Variants in MIDEAS observed in about 807,000 individuals in gnomAD.
MIDEAS encodes the protein mitotic deacetylase associated SANT domain protein.
A neutral mutation model predicts 102.7 loss-of-function variants in MIDEAS; 26 were observed. That is an observed-to-expected ratio of 0.25 (90% CI 0.19 to 0.35). The LOEUF (loss-of-function observed/expected upper bound fraction) is 0.35, where lower values mean the gene tolerates loss of function less well. MIDEAS is among the 10% of genes least tolerant of loss of function. MIDEAS has a pLI of 1.00. For synonymous variants in MIDEAS, 585 were observed against 591.0 expected (o/e 0.99, Z 0.15); for missense variants, 1,231 against 1,435.6 (o/e 0.86, Z 2.30).
At position 73,718,435 on chromosome 14, in the gene MIDEAS, G is replaced by GTGGGTGA. The variant is rs1389866929; in HGVS notation, c.*401_*407dup. 2 of 159,362 alleles carry GTGGGTGA rather than the reference G, an allele frequency of 1.3e-5. No individual in the cohort carries two copies. Among genetic ancestry groups the GTGGGTGA allele is most frequent in the African/African-American group, 4.8e-5 (2 of 41,754 alleles). The allele number at this position is 159,362 out of a possible 1,614,324, so 9.9% of individuals were successfully genotyped here. A position where few individuals can be genotyped will look rare whatever the true frequency, so the allele number is the denominator to read the frequency against. Reference sequence around the variant, plus strand: ...TGGGGAGGAGAAATGCTGCTCCAAAGTGGGTGAGCTTGTGCTTGGCCGGCC... The same window carrying GTGGGTGA: ...TGGGGAGGAGAAATGCTGCTCCAAAGTGGGTGATGGGTGAGCTTGTGCTTGGCCGGCC... On this transcript the variant is annotated 3_prime_UTR_variant, in exon 13 of 13. Coordinates refer to ENST00000423556, the MANE Select transcript of MIDEAS (RefSeq NM_001367710.1).
chr14:73,786,262 A>T (rs1402523597), intron 1 of MIDEAS, among the ~76,000 whole-genome samples: 1 of 151,976 alleles, frequency 6.6e-6, no homozygotes, highest in Non-Finnish European at 1.5e-5. Context: ...TCTTTAAAAA[A>T]CCCTGCGCCA....
Position 73,722,897 on chromosome 14 carries a change from G to A in MIDEAS, c.2575-50C>T, listed in dbSNP as rs372483215. ...CAGAACCCTCTGGTTTGGCTCATCT[G>A]CCTGTGGAGAATCCAGCCTTTCTCG... On this transcript the variant is annotated intron_variant, in intron 9 of 12. Coordinates refer to ENST00000423556, the MANE Select transcript of MIDEAS (RefSeq NM_001367710.1). The A allele has an allele frequency of 1.9e-6, 3 of 1,593,248 alleles. No homozygotes were observed. In the African/African-American group the frequency reaches 4.0e-5, roughly 21 times the overall value.
At chr14:73,730,437 C>T (rs2053123666) in intron 3 of MIDEAS, among the ~76,000 whole-genome samples, 2 of 152,170 alleles carry the variant, frequency 1.3e-5, no homozygotes, top group South Asian at 4.1e-4. Flanking sequence ...CCTTTATTGC[C>T]ACTGAAAATT....
chr14:73,779,570 A>ATATTT (rs1161075287), intron 1 of MIDEAS, among the ~76,000 whole-genome samples: 9 of 60,160 alleles, frequency 1.5e-4, no homozygotes, highest in East Asian at 2.0e-3. Flanking sequence ...TATTATTATT[A>ATATTT]TTATTTTTTT....
chr14:73,763,572 C>T (rs909561845), upstream of MIDEAS, among the ~76,000 whole-genome samples: 3 of 152,176 alleles, frequency 2.0e-5, no homozygotes. Flanking sequence ...ATGAGGCCAG[C>T]ACACGTGGTG....
chr14:73,763,184 A>C (rs2053567393), upstream of MIDEAS, among the ~76,000 whole-genome samples: 1 of 152,150 alleles, frequency 6.6e-6, no homozygotes, highest in Admixed American at 6.5e-5. Flanking sequence ...AAAAAAATAC[A>C]AAAATTAGCC....
chr14:73,722,643 C>T, intron 10 of MIDEAS, 55 bp downstream of exon 10: 1 of 1,595,176 alleles, frequency 6.3e-7, no homozygotes, highest in Non-Finnish European at 8.6e-7. Flanking sequence ...CCAGCTCAGG[C>T]CTGGTCCCAG....
rs146014844 is a variant in MIDEAS, at chr14:73,721,343, C to T, written c.2891G>A (p.Arg964Gln). Reference protein sequence around the residue: ...EQEEGRERSRRAAAVKATQTL... With the variant: ...EQEEGRERSRQAAAVKATQTL... ...CTGCGTGGCTTTGACTGCCGCTGCC[C>T]GCCTGCTGCGCTCTCGCCCCTCTTC... Residue 964 changes from arginine to glutamine, a missense_variant, in exon 11 of 13, where the codon CGG (arginine) becomes CAG (glutamine). Arg to Gln is a conservative substitution (Grantham distance 43). This residue lies in a region of MIDEAS where 391 missense variants were observed against 483.0 expected (regional missense o/e 0.81). Coordinates refer to ENST00000423556, the MANE Select transcript of MIDEAS (RefSeq NM_001367710.1). 300 of 1,613,904 alleles carry T rather than the reference C, an allele frequency of 1.9e-4. No homozygotes were observed. Among genetic ancestry groups the T allele is most frequent in the Non-Finnish European group, 2.3e-4 (275 of 1,180,034 alleles).
Position 73,716,376 on chromosome 14 carries a change from A to AT in MIDEAS, c.*2466dup, listed in dbSNP as rs2052889256. On this transcript the variant is annotated 3_prime_UTR_variant, in exon 13 of 13. Coordinates refer to ENST00000423556, the MANE Select transcript of MIDEAS (RefSeq NM_001367710.1). ...AAGCTTAGAAGAGTAGAATCACTTTATTTTTTAAAGACTTCCGGCCAGGCA... is the reference window on the plus strand; with the variant it reads ...AAGCTTAGAAGAGTAGAATCACTTTATTTTTTTAAAGACTTCCGGCCAGGCA... 6.6e-6 allele frequency: 1 copy of AT among 152,076 alleles called. No homozygotes were observed. The highest frequency in any genetic ancestry group is 1.5e-5 in the Non-Finnish European group (1 of 68,002). 9.4% of individuals were successfully genotyped at this position (152,076 alleles called of 1,614,324 possible).
intron 7 of MIDEAS, 72 bp from the exon 8 acceptor site, chr14:73,726,180 T>C: frequency 2.4e-6 from 3 of 1,254,820 alleles, no homozygotes; most frequent in South Asian, 2.6e-5. Context: ...TTCTAGGCCC[T>C]GATAAAATCC....
Position 73,739,909 on chromosome 14 carries a change from G to T in MIDEAS, c.100C>A (p.Pro34Thr). The T allele has an allele frequency of 6.5e-7, 1 of 1,548,010 alleles. No individual in the cohort carries two copies. The highest frequency in any genetic ancestry group is 8.7e-7 in the Non-Finnish European group (1 of 1,146,354). ...APKEQPPPLQ[P>T]PQQSIRVKEE... Reference sequence around the variant, plus strand: ...TTCACTCTGATGGACTGCTGGGGGGGCTGCAGGGGAGGGGGCTGCTCCTTG... The same window carrying T: ...TTCACTCTGATGGACTGCTGGGGGGTCTGCAGGGGAGGGGGCTGCTCCTTG... The change falls in exon 2 of 13, where the codon CCC becomes ACC. Residue 34 changes from proline to threonine, a missense_variant. Physicochemically the swap from Pro to Thr is conservative, Grantham distance 38. This residue lies in a region of MIDEAS where 758 missense variants were observed against 856.0 expected (regional missense o/e 0.89). Coordinates refer to ENST00000423556, the MANE Select transcript of MIDEAS (RefSeq NM_001367710.1).
chr14:73,773,027 G>A (rs1716169718), intron 1 of MIDEAS, among the ~76,000 whole-genome samples: 3 of 151,890 alleles, frequency 2.0e-5, no homozygotes, highest in South Asian at 4.2e-4. Context: ...TAGTAGAGAT[G>A]GGGTTTCTCC....
chr14:73,741,211 T>A (rs1389559376), intron 1 of MIDEAS, among the ~76,000 whole-genome samples: 5 of 152,226 alleles, frequency 3.3e-5, no homozygotes, highest in Non-Finnish European at 5.9e-5. Context: ...GATAATGTCA[T>A]GACTTAAGTA....
intron 3 of MIDEAS, among the ~76,000 whole-genome samples, chr14:73,732,175 G>C (rs765468358): frequency 2.0e-5 from 3 of 151,558 alleles, no homozygotes; most frequent in Non-Finnish European, 4.4e-5. Context: ...TCCTCAACCA[G>C]AGAACAAGAA....
chr14:73,738,724 C>G lies in MIDEAS; in HGVS notation c.1285G>C (p.Gly429Arg). 6.2e-7 allele frequency: 1 copy of G among 1,613,112 alleles called. No homozygotes were observed. The highest frequency in any genetic ancestry group is 8.5e-7 in the Non-Finnish European group (1 of 1,179,568). Reference sequence around the variant, plus strand: ...ACTGCCCTCATGCCCTCCTCGCTGCCCATGGCAGGAGCCTCTCGCTCCCGG... The same window carrying G: ...ACTGCCCTCATGCCCTCCTCGCTGCGCATGGCAGGAGCCTCTCGCTCCCGG... ...NGREREAPAM[G>R]SEEGMRAVST... The change falls in exon 2 of 13, where the codon GGC (glycine) becomes CGC (arginine). Residue 429 changes from glycine (G) to arginine (R), a missense_variant. By Grantham distance (125) the Gly-to-Arg change is moderately radical (BLOSUM62 -2). Transcript: ENST00000423556.
chr14:73,764,369 C>CA (rs2053577663), upstream of MIDEAS, among the ~76,000 whole-genome samples: 1 of 137,708 alleles, frequency 7.3e-6, no homozygotes, highest in East Asian at 2.1e-4. Context: ...AAAAACAAAA[C>CA]AAAACAAAAA....
At position 73,756,295 on chromosome 14, in the gene MIDEAS, T is replaced by TGCGCGCGC. The variant is rs1555344807; in HGVS notation, c.-248+3460_-248+3467dup. 4.0e-3 allele frequency among the ~76,000 whole-genome samples: 508 copies of TGCGCGCGC among 127,704 alleles called. 1 individual carries two copies. The highest frequency in any genetic ancestry group is 5.4e-3 in the Admixed American group (71 of 13,178). 83.8% of individuals were successfully genotyped at this position (127,704 alleles called of 152,430 possible). On this transcript the variant is annotated intron_variant, in intron 1 of 12. Transcript: ENST00000423556. Reference sequence around the variant, plus strand: ...GTGTGTGTGTGTGTGTGTGTGTGTGTGCGCGCGCGCGTGCGCGCTGAGGTG... The same window carrying TGCGCGCGC: ...GTGTGTGTGTGTGTGTGTGTGTGTGTGCGCGCGCGCGCGCGCGCGTGCGCGCTGAGGTG...
chr14:73,727,136 G>A, intron 5 of MIDEAS, 164 bp from the exon 6 acceptor site: 1 of 874,072 alleles, frequency 1.1e-6, no homozygotes, highest in Non-Finnish European at 1.7e-6. Context: ...GCCTGACCTG[G>A]CACCACCAGA....
intron 1 of MIDEAS, among the ~76,000 whole-genome samples, chr14:73,751,022 T>C (rs2053412649): frequency 6.6e-6 from 1 of 152,238 alleles, no homozygotes; most frequent in Non-Finnish European, 1.5e-5. Context: ...ATATTATCAT[T>C]ATTATTTTTG....
Sources: allele counts gnomAD v4.1 joint callset (sites outside exome capture counted in the v4.1 genomes callset), GRCh38; gene constraint gnomAD v4.1.1; regional missense constraint gnomAD v4.1.1; transcripts MANE v1.5; gene names NCBI Gene and HGNC (gene_info 2026-07-23, HGNC 2026-07-21).